The following ADAMTSL1 variants were observed in gnomAD, a reference collection of about 807,000 sequenced individuals.
ADAMTSL1 encodes the protein ADAMTS-like protein 1.
Under a neutral mutation model 201.8 loss-of-function variants are expected in ADAMTSL1, and 126 were observed. The ratio of observed to expected loss-of-function variants is 0.62; its 90% confidence interval spans 0.54 to 0.72. The LOEUF is 0.72. Ranked by LOEUF, ADAMTSL1 falls within the 30% of genes least tolerant of loss-of-function variation. ADAMTSL1 has a pLI of 0.00. For synonymous variants in ADAMTSL1, 1,121 were observed against 903.4 expected, an observed-to-expected ratio of 1.24 and a Z score of -4.32; for missense variants, 2,679 against 2,277.8, an observed-to-expected ratio of 1.18 and a Z score of -3.59.
chr9:17,917,729 C>A (rs1011570457), intron 1 of ADAMTSL1, among the ~76,000 whole-genome samples: 1 of 151,870 alleles, frequency 6.6e-6, no homozygotes, highest in African/African-American at 2.4e-5. Flanking sequence ...CCCTTATTTT[C>A]AACTTTCTGC....
At position 18,770,909 on chromosome 9, in the gene ADAMTSL1, T is replaced by A; in HGVS notation, c.2397+128T>A. 4.9e-6 allele frequency: 5 copies of A among 1,022,114 alleles called. No homozygotes were observed. The South Asian group carries it at 6.9e-5, about 14-fold the overall frequency. 63.3% of individuals were successfully genotyped at this position (1,022,114 alleles called of 1,614,324 possible). A position where few individuals can be genotyped will look rare whatever the true frequency, so the allele number is the denominator to read the frequency against. On this transcript the variant is annotated intron_variant, in intron 17 of 28. Transcript: ENST00000380548. ...CTAATATTATGGAATAGTATTTTTG[T>A]AACCATATATACCGTAGTGTGTAAC...
At chr9:18,164,727 G>A (rs1375819014) in intron 2 of ADAMTSL1, among the ~76,000 whole-genome samples, 2 of 151,590 alleles carry the variant, frequency 1.3e-5, no homozygotes, top group Admixed American at 6.6e-5. Flanking sequence ...GGGTAGGATC[G>A]CAGAAAATAA....
At chr9:18,829,783 T>G in intron 22 of ADAMTSL1, 60 bp from the exon 23 acceptor site, 1 of 1,605,780 alleles carries the variant, frequency 6.2e-7, no homozygotes, top group Non-Finnish European at 8.5e-7. Context: ...CACCTCTTCC[T>G]CTTGCCTTGA....
chr9:18,382,075 G>GCAA (rs1332567346), intron 2 of ADAMTSL1, among the ~76,000 whole-genome samples: 1 of 152,158 alleles, frequency 6.6e-6, no homozygotes, highest in Non-Finnish European at 1.5e-5. Context: ...GCAGACTCAT[G>GCAA]CAATGATTGT....
intron 5 of ADAMTSL1, among the ~76,000 whole-genome samples, chr9:18,623,966 G>C (rs906901213): frequency 5.9e-5 from 9 of 152,168 alleles, no homozygotes; most frequent in Non-Finnish European, 1.3e-4. Flanking sequence ...TATAGGTCAA[G>C]GAAGAAAGGC....
At chr9:18,687,047 G>A (rs946417962) in intron 13 of ADAMTSL1, among the ~76,000 whole-genome samples, 13 of 152,164 alleles carry the variant, frequency 8.5e-5, no homozygotes, top group Admixed American at 1.3e-4. Context: ...GGAGTAGATT[G>A]TAATTGGAGT....
chr9:18,623,300 C>A (rs920226679), intron 5 of ADAMTSL1, among the ~76,000 whole-genome samples: 1 of 151,806 alleles, frequency 6.6e-6, no homozygotes, highest in Non-Finnish European at 1.5e-5. Flanking sequence ...TTCACACAAT[C>A]GTCCCATGTA....
intron 7 of ADAMTSL1, among the ~76,000 whole-genome samples, chr9:18,644,218 T>C (rs1827633020): frequency 1.3e-5 from 2 of 151,930 alleles, no homozygotes; most frequent in African/African-American, 4.8e-5. Flanking sequence ...TATATGTTGA[T>C]TTTTTTATCC....
intron 23 of ADAMTSL1, among the ~76,000 whole-genome samples, chr9:18,849,721 G>T (rs567790309): frequency 6.6e-6 from 1 of 152,190 alleles, no homozygotes; most frequent in African/African-American, 2.4e-5. Flanking sequence ...CTGGAAGGCC[G>T]AGGTTTTATG....
chr9:18,721,170 T>G (rs1389683134), intron 14 of ADAMTSL1, among the ~76,000 whole-genome samples: 3 of 152,234 alleles, frequency 2.0e-5, no homozygotes, highest in Admixed American at 6.5e-5. Context: ...GTGAAGGTTT[T>G]GGGCCCCTTT....
At chr9:18,894,437 GGTGAGCAAT>G (rs1319748135) in intron 26 of ADAMTSL1, among the ~76,000 whole-genome samples, 2 of 145,618 alleles carry the variant, frequency 1.4e-5, no homozygotes, top group Admixed American at 7.1e-5. Flanking sequence ...ACCTAATCTA[GGTGAGCAAT>G]TATGGTGATG....
At chr9:18,438,241 A>G (rs2133440885) in intron 2 of ADAMTSL1, among the ~76,000 whole-genome samples, 1 of 151,844 alleles carries the variant, frequency 6.6e-6, no homozygotes, top group Non-Finnish European at 1.5e-5. Context: ...AAAAAAAAGG[A>G]TAGGAATGAT....
At chr9:18,024,640 C>G (rs1297886280) in intron 1 of ADAMTSL1, among the ~76,000 whole-genome samples, 1 of 152,028 alleles carries the variant, frequency 6.6e-6, no homozygotes, top group Non-Finnish European at 1.5e-5. Context: ...TGTATATGTT[C>G]CACATTTTCT....
intron 2 of ADAMTSL1, among the ~76,000 whole-genome samples, chr9:18,524,263 A>T (rs1452885849): frequency 6.6e-6 from 1 of 152,176 alleles, no homozygotes; most frequent in East Asian, 1.9e-4. Context: ...GTGTATAAGA[A>T]TGCTTGTGAT....
chr9:18,692,436 C>T (rs1230772292), intron 13 of ADAMTSL1, among the ~76,000 whole-genome samples: 2 of 152,076 alleles, frequency 1.3e-5, no homozygotes, highest in Non-Finnish European at 2.9e-5. Context: ...CGCAGTTGCT[C>T]GTTCTGTGGC....
At chr9:18,891,193 A>G (rs1829245127) in intron 25 of ADAMTSL1, among the ~76,000 whole-genome samples, 1 of 141,192 alleles carries the variant, frequency 7.1e-6, no homozygotes, top group African/African-American at 2.6e-5. Flanking sequence ...GGACGAAGCC[A>G]TAGGTTCACC....
intron 5 of ADAMTSL1, among the ~76,000 whole-genome samples, chr9:18,627,981 T>C (rs554341943): frequency 1.6e-4 from 25 of 152,318 alleles, no homozygotes; most frequent in Non-Finnish European, 3.4e-4. Context: ...GAGTTCTTTA[T>C]ATATACTAGG....
chr9:18,564,037 A>G (rs544480994), intron 3 of ADAMTSL1, among the ~76,000 whole-genome samples: 1 of 152,070 alleles, frequency 6.6e-6, no homozygotes, highest in Admixed American at 6.5e-5. Context: ...TGTCATGCTG[A>G]TATTCCAGGC....
chr9:17,977,770 G>T (rs998546207), intron 1 of ADAMTSL1, among the ~76,000 whole-genome samples: 1 of 151,974 alleles, frequency 6.6e-6, no homozygotes, highest in Non-Finnish European at 1.5e-5. Flanking sequence ...TGTATTTTCT[G>T]CTGGTGTTCT....
Sources: gnomAD v4.1 joint callset for allele counts (sites outside exome capture counted in the v4.1 genomes callset) on GRCh38, gnomAD v4.1.1 for gene constraint, MANE v1.5 for transcripts, NCBI Gene and HGNC (gene_info 2026-07-23, HGNC 2026-07-21) for gene names.